Variants in IPO8 observed in about 807,000 individuals in gnomAD.
The protein encoded by IPO8 is importin-8.
IPO8 carries 65 observed loss-of-function variants against 141.2 expected under a neutral mutation model. The observed-to-expected ratio is 0.46, with a 90% CI of 0.38 to 0.57. The LOEUF is 0.57. Among genes scored for constraint, IPO8 ranks in the 20% least tolerant of loss-of-function variants. The pLI, the probability that IPO8 is intolerant of heterozygous loss-of-function variation, is 0.00. For missense variants in IPO8, 980 were observed against 1,246.8 expected, an observed-to-expected ratio of 0.79 and a Z score of 3.22; for synonymous variants, 411 against 420.3, an observed-to-expected ratio of 0.98 and a Z score of 0.27.
At position 30,671,052 on chromosome 12, in the gene IPO8, T is replaced by C. The variant is rs747518047; in HGVS notation, c.954A>G (p.Val318=). 3.1e-6 allele frequency: 5 copies of C among 1,608,122 alleles called. No individual in the cohort carries two copies. The highest frequency in any genetic ancestry group is 1.7e-6 in the Non-Finnish European group (2 of 1,174,578). ...ATGCTTGCTGAAGAACACGGGGAGC[T>C]ACATATTCTTTCTGTCTATATTGAT... ...ILDQYRQKEY[V]APRVLQQAFN... Residue 318 remains valine (V), a synonymous_variant, in exon 9 of 25, where the codon GTA becomes GTG. Transcript: ENST00000256079.
intron 20 of IPO8, among the ~76,000 whole-genome samples, chr12:30,645,111 C>T (rs1434435264): frequency 2.0e-5 from 3 of 151,924 alleles, no homozygotes; most frequent in Non-Finnish European, 4.4e-5. Flanking sequence ...CGGTGGCTCA[C>T]GCCTGTAATC....
At chr12:30,691,583 T>A (rs921338951) in intron 1 of IPO8, among the ~76,000 whole-genome samples, 1 of 152,226 alleles carries the variant, frequency 6.6e-6, no homozygotes, top group East Asian at 1.9e-4. Context: ...AGTCCACATA[T>A]GCCTTTGTCC....
At chr12:30,665,126 T>C (rs2052944179) in intron 13 of IPO8, 94 bp downstream of exon 13, 2 of 706,334 alleles carry the variant, frequency 2.8e-6, no homozygotes, top group South Asian at 3.7e-5. Context: ...TTCATCTCAA[T>C]ATGTGGCAAA....
chr12:30,677,256 A>G (rs2053134565), intron 5 of IPO8: 1 of 418,934 alleles, frequency 2.4e-6, no homozygotes, highest in South Asian at 1.9e-5. Context: ...GTCCCATAAG[A>G]TTAGAACACA....
chr12:30,664,370 T>C (rs2052932270), intron 13 of IPO8, among the ~76,000 whole-genome samples: 1 of 152,254 alleles, frequency 6.6e-6, no homozygotes, highest in Non-Finnish European at 1.5e-5. Flanking sequence ...TTAATATATG[T>C]TGTTTTTAGC....
intron 16 of IPO8, among the ~76,000 whole-genome samples, chr12:30,660,038 C>T (rs1366582614): frequency 3.3e-5 from 5 of 151,886 alleles, no homozygotes; most frequent in African/African-American, 9.7e-5. Flanking sequence ...GCCTGGCCAA[C>T]GTGGTGAAAC....
At position 30,663,548 on chromosome 12, in the gene IPO8, A is replaced by T; in HGVS notation, c.1535T>A (p.Met512Lys). Residue 512 changes from methionine (M) to lysine (K), a missense_variant, in exon 14 of 25, where the codon ATG becomes AAG. Transcript: ENST00000256079. ...AKKSLIEDKE[M>K]PVKVEAALAL... ...AAGGGCAGCTTCAACTTTGACAGGC[A>T]TCTCTTTATCTTCAATCAGGCTCTT... is the stretch of plus-strand genomic sequence containing the variant. 6.2e-7 allele frequency: 1 copy of T among 1,613,862 alleles called. No individual in the cohort carries two copies. The highest frequency in any genetic ancestry group is 8.5e-7 in the Non-Finnish European group (1 of 1,179,896).
At chr12:30,645,863 C>T (rs1319640676) in intron 20 of IPO8, among the ~76,000 whole-genome samples, 1 of 151,640 alleles carries the variant, frequency 6.6e-6, no homozygotes, top group East Asian at 1.9e-4. Flanking sequence ...TAAAACTACC[C>T]ACCGAAAACA....
chr12:30,646,740 A>C (rs1329873059), intron 20 of IPO8, among the ~76,000 whole-genome samples: 1 of 152,164 alleles, frequency 6.6e-6, no homozygotes, highest in Non-Finnish European at 1.5e-5. Flanking sequence ...CAAAAAGAAA[A>C]TATATAAAAA....
At chr12:30,687,088 A>C (rs570401361) in intron 2 of IPO8, among the ~76,000 whole-genome samples, 2 of 152,274 alleles carry the variant, frequency 1.3e-5, no homozygotes, top group Admixed American at 6.5e-5. Flanking sequence ...TCAAGTGCCT[A>C]AATACAAACC....
At chr12:30,636,909 G>A in intron 22 of IPO8, 73 bp downstream of exon 22, 1 of 1,197,008 alleles carries the variant, frequency 8.4e-7, no homozygotes, top group Non-Finnish European at 1.2e-6. Context: ...TCTCCATATA[G>A]ACTAGTATTC....
At chr12:30,688,429 C>T (rs1279722536) in intron 2 of IPO8, 1 of 443,644 alleles carries the variant, frequency 2.3e-6, no homozygotes, top group Non-Finnish European at 4.5e-6. Context: ...AAGTATTTTG[C>T]AGATGTATTT....
intron 20 of IPO8, among the ~76,000 whole-genome samples, chr12:30,640,138 T>C (rs1488670699): frequency 6.6e-6 from 1 of 152,206 alleles, no homozygotes; most frequent in Non-Finnish European, 1.5e-5. Flanking sequence ...AATTATGATG[T>C]AATCAGATTG....
intron 5 of IPO8, chr12:30,677,073 C>CAT: frequency 1.3e-6 from 2 of 1,518,112 alleles, no homozygotes; most frequent in Non-Finnish European, 1.8e-6. Flanking sequence ...TTGCAGAAGA[C>CAT]GGATATTGCC....
rs1420452199 is a variant in IPO8 at position 30,676,556 on chromosome 12, T to G, written c.671A>C (p.Gln224Pro). The change falls in exon 6 of 25, where the codon CAA (glutamine) becomes CCA (proline). Residue 224 changes from glutamine to proline, a missense_variant. Gln to Pro is a moderately conservative substitution (Grantham distance 76). Transcript: ENST00000256079. ...YALPLQLVNNQTMTTWMEIFR... is the reference protein window; with the variant it reads ...YALPLQLVNNPTMTTWMEIFR... ...GATCTCCATCCATGTTGTCATGGTT[T>G]GGTTATTCACTAGCTGAAGAGGCAA... The G allele has an allele frequency of 1.9e-6, 3 of 1,613,118 alleles. No homozygotes were observed. The South Asian group carries it at 3.3e-5, about 18-fold the overall frequency.
chr12:30,642,694 A>G (rs2136130590), intron 20 of IPO8, among the ~76,000 whole-genome samples: 2 of 151,770 alleles, frequency 1.3e-5, no homozygotes, highest in South Asian at 4.1e-4. Flanking sequence ...TTTTAGATAT[A>G]TATGTATAGC....
intron 3 of IPO8, among the ~76,000 whole-genome samples, chr12:30,683,312 T>C (rs2053207681): frequency 2.0e-5 from 3 of 152,202 alleles, no homozygotes; most frequent in Admixed American, 6.5e-5. Flanking sequence ...AACAAATTAA[T>C]TGCTCTAAGA....
At chr12:30,688,499 AAAATCAC>A (rs1447411218) in intron 2 of IPO8, 2 of 374,842 alleles carry the variant, frequency 5.3e-6, no homozygotes, top group Non-Finnish European at 1.0e-5. Context: ...TTTTAAAGCA[AAAATCAC>A]AACATTCTTT....
Position 30,690,596 on chromosome 12 carries a change from GT to G in IPO8, c.85-20del. ...TGTAGGACTGAAATTACAAAGAAAT[GT>G]TTTATAAAATAGGGCAATATAAGTG... On this transcript the variant is annotated intron_variant, in intron 1 of 24. Coordinates refer to ENST00000256079, the MANE Select transcript of IPO8 (RefSeq NM_006390.4). 1 of 1,429,684 alleles carries G rather than the reference GT, an allele frequency of 7.0e-7. No individual in the cohort carries two copies. The highest frequency in any genetic ancestry group is 9.7e-7 in the Non-Finnish European group (1 of 1,030,836). The allele number at this position is 1,429,684 out of a possible 1,614,324, so 88.6% of individuals were successfully genotyped here. A position where few individuals can be genotyped will look rare whatever the true frequency, so the allele number is the denominator to read the frequency against.
Sources: gnomAD v4.1 joint callset for allele counts (sites outside exome capture counted in the v4.1 genomes callset) on GRCh38, gnomAD v4.1.1 for gene constraint, MANE v1.5 for transcripts, NCBI Gene and HGNC (gene_info 2026-07-23, HGNC 2026-07-21) for gene names.